PRR14L: variants seen among roughly 807,000 people sequenced by gnomAD.
The protein encoded by PRR14L is proline rich 14 like, also known as protein PRR14L.
In PRR14L, 80 loss-of-function variants were observed where a neutral mutation model predicts 155.0. The observed-to-expected ratio is 0.52, with a 90% CI of 0.43 to 0.62. The LOEUF is 0.62. Ranked by LOEUF, PRR14L falls within the 20% of genes least tolerant of loss-of-function variation. The pLI, the probability that PRR14L is intolerant of heterozygous loss-of-function variation, is 0.00. For synonymous variants in PRR14L, 883 were observed against 916.0 expected (o/e 0.96, Z 0.65); for missense variants, 2,469 against 2,548.0 (o/e 0.97, Z 0.67).
At chr22:31,739,596 T>C (rs62240516) in intron 1 of PRR14L, among the ~76,000 whole-genome samples, 3,776 of 152,270 alleles carry the variant, frequency 0.025, 51 homozygotes, top group Non-Finnish European at 0.038. Context: ...TAACAACCCT[T>C]TGAGCTAAGT....
Position 31,684,054 on chromosome 22 carries a change from C to T in PRR14L, c.*1473G>A, listed in dbSNP as rs1057001177. On this transcript the variant is annotated 3_prime_UTR_variant, in exon 9 of 9. Transcript: ENST00000327423. ...TCACTAGCCATGGAATGTTAATTCT[C>T]TAAACTCTTGTTTTGAGAGAGAAAG... The T allele has an allele frequency of 3.3e-5, 5 of 152,154 alleles. No homozygotes were observed. The highest frequency in any genetic ancestry group is 1.2e-4 in the African/African-American group (5 of 41,412). The allele number at this position is 152,154 out of a possible 1,614,324, so 9.4% of individuals were successfully genotyped here.
chr22:31,695,651 C>A (rs1601493480), intron 7 of PRR14L, among the ~76,000 whole-genome samples: 2 of 152,280 alleles, frequency 1.3e-5, no homozygotes, highest in East Asian at 3.9e-4. Flanking sequence ...CACAGCAGTG[C>A]CCTACCTCCG....
chr22:31,733,760 C>T (rs1431382699), intron 2 of PRR14L, among the ~76,000 whole-genome samples: 2 of 152,068 alleles, frequency 1.3e-5, no homozygotes, highest in African/African-American at 4.8e-5. Flanking sequence ...GAACCAGATA[C>T]GTTGTCATAC....
chr22:31,735,535 T>C (rs2074775207), intron 2 of PRR14L, among the ~76,000 whole-genome samples: 1 of 151,694 alleles, frequency 6.6e-6, no homozygotes, highest in Non-Finnish European at 1.5e-5. Context: ...TATAAACACA[T>C]ATATACATGT....
At chr22:31,748,776 T>C (rs1234930203) in intron 1 of PRR14L, among the ~76,000 whole-genome samples, 2 of 152,234 alleles carry the variant, frequency 1.3e-5, no homozygotes, top group African/African-American at 2.4e-5. Context: ...TGCTGGCGTC[T>C]GGCATCAGGT....
chr22:31,742,319 G>A lies in PRR14L; in HGVS notation c.-51-3408C>T, dbSNP rs371423684. 1.3e-4 allele frequency among the ~76,000 whole-genome samples: 19 copies of A among 151,136 alleles called. No individual in the cohort carries two copies. The East Asian group carries it at 1.9e-3, about 15-fold the overall frequency. The stretch of plus-strand genomic sequence containing the variant: ...TTTTAGGCTTCACTTTCTTGATAAC[G>A]TCATCTTTTTCTGCAGCCTCTGTAA... On this transcript the variant is annotated intron_variant, in intron 1 of 8. Coordinates refer to ENST00000327423, the MANE Select transcript of PRR14L (RefSeq NM_173566.3).
At chr22:31,723,996 C>G (rs2074704191) in intron 3 of PRR14L, among the ~76,000 whole-genome samples, 1 of 152,216 alleles carries the variant, frequency 6.6e-6, no homozygotes, top group Non-Finnish European at 1.5e-5. Flanking sequence ...TGCATTACTG[C>G]CTGAGCTCCG....
intron 7 of PRR14L, among the ~76,000 whole-genome samples, chr22:31,700,260 A>T (rs1306706878): frequency 6.6e-6 from 1 of 152,230 alleles, no homozygotes; most frequent in Non-Finnish European, 1.5e-5. Flanking sequence ...ATTTATGTAA[A>T]CAAGGTTCTT....
At position 31,683,447 on chromosome 22, in the gene PRR14L, A is replaced by G. The variant is rs1911874489; in HGVS notation, c.*2080T>C. The G allele has an allele frequency of 6.6e-6, 1 of 152,208 alleles. No individual in the cohort carries two copies. Among genetic ancestry groups the G allele is most frequent in the Non-Finnish European group, 1.5e-5 (1 of 68,092 alleles). The allele number at this position is 152,208 out of a possible 1,614,324, so 9.4% of individuals were successfully genotyped here. A position where few individuals can be genotyped will look rare whatever the true frequency, so the allele number is the denominator to read the frequency against. On this transcript the variant is annotated 3_prime_UTR_variant, in exon 9 of 9. Transcript: ENST00000327423. The stretch of plus-strand genomic sequence containing the variant: ...ACTCATCCCACTCCCTTAAGCAAAA[A>G]AGTCAGAGAGAAGCATTTAGTGTCT...
intron 7 of PRR14L, among the ~76,000 whole-genome samples, chr22:31,692,436 T>C (rs1163266577): frequency 3.9e-5 from 6 of 152,210 alleles, no homozygotes; most frequent in Admixed American, 1.3e-4. Context: ...ACAGCATCTC[T>C]TCAAATGCTT....
chr22:31,715,004 A>C lies in PRR14L; in HGVS notation c.2835T>G (p.Ser945=). The C allele has an allele frequency of 6.4e-7, 1 of 1,552,116 alleles. No individual in the cohort carries two copies. The highest frequency in any genetic ancestry group is 2.0e-5 in the Admixed American group (1 of 51,004). ...IPGPEKVLDQ[S]PTVMFSSFKN... Reference sequence around the variant, plus strand: ...TAAAACTGGAGAACATAACAGTAGGAGACTGGTCCAACACTTTTTCAGGAC... The same window carrying C: ...TAAAACTGGAGAACATAACAGTAGGCGACTGGTCCAACACTTTTTCAGGAC... Residue 945 remains serine, a synonymous_variant, in exon 4 of 9, where the codon TCT becomes TCG. Coordinates refer to ENST00000327423, the MANE Select transcript of PRR14L (RefSeq NM_173566.3).
chr22:31,730,364 G>C (rs2074741956), intron 2 of PRR14L, among the ~76,000 whole-genome samples: 1 of 152,020 alleles, frequency 6.6e-6, no homozygotes. Flanking sequence ...TTTGAACCGG[G>C]ACCCGGGAGG....
intron 2 of PRR14L, 73 bp downstream of exon 2, chr22:31,738,314 C>T (rs2074793704): frequency 1.6e-6 from 2 of 1,214,504 alleles, no homozygotes; most frequent in East Asian, 5.1e-5. Context: ...AGCCAACCGT[C>T]AGCATCTGTA....
chr22:31,718,866 G>A (rs573703861), intron 3 of PRR14L, among the ~76,000 whole-genome samples: 1 of 148,586 alleles, frequency 6.7e-6, no homozygotes, highest in Non-Finnish European at 1.5e-5. Context: ...ACGAGGTCAG[G>A]AGTTCAAGAC....
chr22:31,685,938 TTTC>T, intron 8 of PRR14L, 135 bp from the exon 9 acceptor site: 2 of 794,452 alleles, frequency 2.5e-6, no homozygotes, highest in Non-Finnish European at 2.0e-6. Context: ...GCCAACTCTT[TTTC>T]TTTTTTTTGT....
intron 7 of PRR14L, among the ~76,000 whole-genome samples, chr22:31,689,427 A>T (rs2074499660): frequency 6.6e-6 from 1 of 152,224 alleles, no homozygotes; most frequent in South Asian, 2.1e-4. Flanking sequence ...CATTCATCTT[A>T]TTCATTTCCT....
intron 4 of PRR14L, 72 bp from the exon 5 acceptor site, chr22:31,704,798 G>A: frequency 2.6e-6 from 3 of 1,170,666 alleles, no homozygotes; most frequent in Non-Finnish European, 3.8e-6. Flanking sequence ...TGATGTTATT[G>A]TGGGTATTAG....
chr22:31,683,351 G>A lies in PRR14L; in HGVS notation c.*2176C>T, dbSNP rs1189503976. The A allele has an allele frequency of 6.6e-6, 1 of 152,244 alleles. No homozygotes were observed. The highest frequency in any genetic ancestry group is 2.4e-5 in the African/African-American group (1 of 41,436). The allele number at this position is 152,244 out of a possible 1,614,324, so 9.4% of individuals were successfully genotyped here. ...CAGAGCTGGCAAACAGGGCTCTGTT[G>A]ACTCACTGCTAGTCTGCAACCTGTC... On this transcript the variant is annotated 3_prime_UTR_variant, in exon 9 of 9. Coordinates refer to ENST00000327423, the MANE Select transcript of PRR14L (RefSeq NM_173566.3).
intron 2 of PRR14L, among the ~76,000 whole-genome samples, chr22:31,738,089 A>G (rs893803471): frequency 6.6e-6 from 1 of 152,156 alleles, no homozygotes; most frequent in Admixed American, 6.5e-5. Context: ...AGGACTGAGT[A>G]TATCTATATC....
Sources: allele counts gnomAD v4.1 joint callset (sites outside exome capture counted in the v4.1 genomes callset), GRCh38; gene constraint gnomAD v4.1.1; transcripts MANE v1.5; gene names NCBI Gene and HGNC (gene_info 2026-07-23, HGNC 2026-07-21).